Variants in LIPA observed in about 807,000 individuals in gnomAD.
The protein encoded by LIPA is lipase A, lysosomal acid type, also known as lysosomal acid lipase/cholesteryl ester hydrolase.
Under a neutral mutation model 40.6 loss-of-function variants are expected in LIPA, and 26 were observed. The ratio of observed to expected loss-of-function variants is 0.64; its 90% confidence interval spans 0.47 to 0.89. The LOEUF (loss-of-function observed/expected upper bound fraction) is 0.89, where lower values mean the gene tolerates loss of function less well. Ranked by LOEUF, LIPA falls within the 40% of genes least tolerant of loss-of-function variation. The pLI, the probability that LIPA is intolerant of heterozygous loss-of-function variation, is 0.00. For missense variants in LIPA, 455 were observed against 479.6 expected, an observed-to-expected ratio of 0.95 and a Z score of 0.48; for synonymous variants, 188 against 168.4, an observed-to-expected ratio of 1.12 and a Z score of -0.90.
rs1235458156 is a variant in LIPA at position 89,250,100 on chromosome 10, T to TTC, written c.-2+1636_-2+1637insGA. Among the ~76,000 whole-genome samples, 26 of 102,244 alleles carry TTC rather than the reference T, an allele frequency of 2.5e-4. 2 individuals carry two copies. Among genetic ancestry groups the TTC allele is most frequent in the East Asian group, 4.4e-4 (2 of 4,560 alleles). The allele number at this position is 102,244 out of a possible 152,430, so 67.1% of individuals were successfully genotyped here. The stretch of plus-strand genomic sequence containing the variant: ...TTTTTTCTTTTTCTTTTTCTTTTCT[T>TTC]TTCTTTCTTTTTTTTTTTTGAGACA... On this transcript the variant is annotated intron_variant, in intron 1 of 9. Coordinates refer to ENST00000336233, the MANE Select transcript of LIPA (RefSeq NM_000235.4).
At chr10:89,254,644 A>C (rs1360866497), upstream of LIPA, among the ~76,000 whole-genome samples, 1 of 152,202 alleles carries the variant, frequency 6.6e-6, no homozygotes, top group Non-Finnish European at 1.5e-5. Context: ...AGCCAGCTTG[A>C]ATTTCTGCTC....
At chr10:89,280,324 TC>T (rs1386740122) in intron 1 of LIPA, among the ~76,000 whole-genome samples, 7 of 152,144 alleles carry the variant, frequency 4.6e-5, no homozygotes, top group Non-Finnish European at 1.0e-4. Flanking sequence ...AGGAAGAATC[TC>T]CCTCCATAGT....
intron 1 of LIPA, among the ~76,000 whole-genome samples, chr10:89,304,542 G>A (rs1242355025): frequency 1.3e-5 from 2 of 152,040 alleles, no homozygotes; most frequent in Non-Finnish European, 2.9e-5. Context: ...GGTTGTATAA[G>A]AAGCCATACT....
rs566145988 is a variant in LIPA at position 89,399,176 on chromosome 10, T to C, written c.61+13615A>G. The stretch of plus-strand genomic sequence containing the variant: ...TATTGGCCATTTGTATATTTTCTTT[T>C]GGGAAATGTCTATTTAAGTCCTTTG... On this transcript the variant is annotated intron_variant, in intron 2 of 8. Transcript: ENST00000371837. 1.2e-4 allele frequency among the ~76,000 whole-genome samples: 18 copies of C among 152,336 alleles called. No individual in the cohort carries two copies. In the East Asian group the frequency reaches 1.7e-3, roughly 15 times the overall value.
chr10:89,320,019 C>T lies in LIPA; in HGVS notation c.-2+22592G>A, dbSNP rs532690319. The stretch of plus-strand genomic sequence containing the variant: ...AAGGCCTTTAACAAAATTCAGTAGC[C>T]CTTCATGCTAAAAACTCTCAATAAA... On this transcript the variant is annotated intron_variant, in intron 1 of 5. Coordinates refer to the LIPA transcript ENST00000282673. 4.6e-5 allele frequency among the ~76,000 whole-genome samples: 7 copies of T among 152,204 alleles called. No homozygotes were observed. In the South Asian group the frequency reaches 1.2e-3, roughly 27 times the overall value.
At chr10:89,245,970 T>G (rs1056689880) in intron 2 of LIPA, among the ~76,000 whole-genome samples, 177 bp from the exon 3 acceptor site, 5 of 152,124 alleles carry the variant, frequency 3.3e-5, no homozygotes, top group Admixed American at 2.0e-4. Flanking sequence ...AAATCCTCCC[T>G]TGTTTCACGC....
chr10:89,346,247 C>T (rs974900381), upstream of LIPA, among the ~76,000 whole-genome samples: 5 of 152,164 alleles, frequency 3.3e-5, no homozygotes, highest in African/African-American at 9.7e-5. Flanking sequence ...ACCCTTTACG[C>T]AGCTTCCCAT....
At chr10:89,282,183 T>C (rs1365720768) in intron 1 of LIPA, among the ~76,000 whole-genome samples, 1 of 152,250 alleles carries the variant, frequency 6.6e-6, no homozygotes. Flanking sequence ...TCATATTTCA[T>C]ACTGAGAAAG....
chr10:89,372,032 A>G (rs988842588), intron 2 of LIPA, among the ~76,000 whole-genome samples: 1 of 152,200 alleles, frequency 6.6e-6, no homozygotes, highest in Non-Finnish European at 1.5e-5. Flanking sequence ...AGAAGGGAAC[A>G]ACACAAATAT....
chr10:89,345,506 G>A (rs1321975490), upstream of LIPA, among the ~76,000 whole-genome samples: 1 of 151,216 alleles, frequency 6.6e-6, no homozygotes, highest in Non-Finnish European at 1.5e-5. Context: ...TCTAGCCTGG[G>A]TGACAGGTCG....
intron 3 of LIPA, among the ~76,000 whole-genome samples, chr10:89,240,340 T>C (rs1482796992): frequency 1.8e-4 from 28 of 152,204 alleles, no homozygotes; most frequent in Admixed American, 1.8e-3. Context: ...TCATGCCTGT[T>C]ATCCCAGCCC....
chr10:89,271,166 A>C (rs903301761), intron 1 of LIPA, among the ~76,000 whole-genome samples: 1 of 152,198 alleles, frequency 6.6e-6, no homozygotes, highest in Non-Finnish European at 1.5e-5. Flanking sequence ...CCATGTGACC[A>C]GTTGACTGAG....
At chr10:89,325,272 G>A (rs187018430) in intron 1 of LIPA, among the ~76,000 whole-genome samples, 4 of 152,328 alleles carry the variant, frequency 2.6e-5, no homozygotes, top group African/African-American at 9.6e-5. Flanking sequence ...TGGTGAGAAT[G>A]TAAATTAGTT....
intron 1 of LIPA, among the ~76,000 whole-genome samples, chr10:89,263,155 G>T (rs570985496): frequency 6.6e-6 from 1 of 152,126 alleles, no homozygotes; most frequent in Admixed American, 6.5e-5. Flanking sequence ...GCCCTTCACC[G>T]CCTCCAAGAC....
intron 2 of LIPA, among the ~76,000 whole-genome samples, chr10:89,377,491 A>AGGATGTAACCAGTGTG (rs2133600568): frequency 1.3e-5 from 2 of 152,354 alleles, no homozygotes; most frequent in South Asian, 4.1e-4. Context: ...ATGCTGCTGG[A>AGGATGTAACCAGTGTG]GGATGTAACC....
At chr10:89,373,031 A>G (rs936420467) in intron 2 of LIPA, among the ~76,000 whole-genome samples, 2 of 152,210 alleles carry the variant, frequency 1.3e-5, no homozygotes, top group Admixed American at 6.5e-5. Context: ...ACAGAAATTC[A>G]GTTAGAATTG....
intron 1 of LIPA, chr10:89,339,840 G>A: frequency 6.2e-7 from 1 of 1,614,168 alleles, no homozygotes; most frequent in Non-Finnish European, 8.5e-7. Flanking sequence ...CAACTGACAA[G>A]GAAGAGATCA....
intron 1 of LIPA, among the ~76,000 whole-genome samples, chr10:89,250,741 C>A (rs1310221173): frequency 6.6e-6 from 1 of 152,104 alleles, no homozygotes; most frequent in South Asian, 2.1e-4. Flanking sequence ...AAAATCTCAC[C>A]CAGTTAAGTT....
At chr10:89,247,378 T>C (rs1843038289) in intron 2 of LIPA, among the ~76,000 whole-genome samples, 160 bp downstream of exon 2, 1 of 15,504 alleles carries the variant, frequency 6.4e-5, no homozygotes, top group African/African-American at 3.2e-4. Context: ...AGACTCTGCC[T>C]CAAAAAAAAA....
Sources: allele counts gnomAD v4.1 joint callset (sites outside exome capture counted in the v4.1 genomes callset), GRCh38; gene constraint gnomAD v4.1.1; transcripts MANE v1.5; gene names NCBI Gene and HGNC (gene_info 2026-07-23, HGNC 2026-07-21).